The following SLC8A1 variants were observed in gnomAD, a reference collection of about 807,000 sequenced individuals.
SLC8A1 encodes sodium/calcium exchanger 1.
In SLC8A1, 18 loss-of-function variants were observed where a neutral mutation model predicts 68.3. The observed-to-expected ratio is 0.26, with a 90% confidence interval of 0.18 to 0.39. The LOEUF (loss-of-function observed/expected upper bound fraction) is 0.39, where lower values mean the gene tolerates loss of function less well. Among genes scored for constraint, SLC8A1 ranks in the 10% least tolerant of loss-of-function variants. The pLI is 1.00. For missense variants in SLC8A1, 985 were observed against 1,156.7 expected, an observed-to-expected ratio of 0.85 and a Z score of 2.15; for synonymous variants, 475 against 415.5, an observed-to-expected ratio of 1.14 and a Z score of -1.74.
intron 1 of SLC8A1, among the ~76,000 whole-genome samples, chr2:40,438,682 G>C (rs961351307): frequency 1.3e-5 from 2 of 152,162 alleles, no homozygotes; most frequent in African/African-American, 4.8e-5. Flanking sequence ...AAATGATATG[G>C]ACAAAGGCAT....
intron 2 of SLC8A1, among the ~76,000 whole-genome samples, chr2:40,321,054 C>A (rs2075126164): frequency 1.3e-5 from 2 of 152,090 alleles, no homozygotes; most frequent in Admixed American, 1.3e-4. Context: ...GAGCTAAAAA[C>A]CCTTTGTTCG....
chr2:40,400,102 G>A (rs533390647), intron 2 of SLC8A1, among the ~76,000 whole-genome samples: 24 of 152,188 alleles, frequency 1.6e-4, no homozygotes, highest in East Asian at 5.8e-4. Flanking sequence ...ACCCTCTCGC[G>A]TGCACCCCCT....
intron 2 of SLC8A1, among the ~76,000 whole-genome samples, chr2:40,401,455 A>G (rs981100055): frequency 6.6e-6 from 1 of 151,684 alleles, no homozygotes; most frequent in Non-Finnish European, 1.5e-5. Context: ...TTTGTATTAC[A>G]GATATTTACA....
chr2:40,146,524 A>C (rs935419831), intron 6 of SLC8A1, among the ~76,000 whole-genome samples: 1 of 152,046 alleles, frequency 6.6e-6, no homozygotes, highest in East Asian at 1.9e-4. Flanking sequence ...AGCACATTAC[A>C]TGTATTTTGC....
intron 1 of SLC8A1, among the ~76,000 whole-genome samples, chr2:40,442,093 A>C (rs1361723613): frequency 1.3e-5 from 2 of 150,270 alleles, no homozygotes; most frequent in East Asian, 2.0e-4. Context: ...AGATATACCT[A>C]ATGCTAAATG....
At chr2:40,263,818 G>C (rs943488009) in intron 2 of SLC8A1, among the ~76,000 whole-genome samples, 2 of 152,122 alleles carry the variant, frequency 1.3e-5, no homozygotes, top group African/African-American at 2.4e-5. Flanking sequence ...AACACAAAAA[G>C]CAATGATAAC....
At position 40,232,697 on chromosome 2, in the gene SLC8A1, C is replaced by T. The variant is rs1439932641; in HGVS notation, c.1809-54842G>A. On this transcript the variant is annotated intron_variant, in intron 2 of 7. Transcript: ENST00000406785. ...CATGTGCCATGCTGGTGTGCTGCACCCACTAACTCGTCATCTAGCATTAGG... is the reference window on the plus strand; with the variant it reads ...CATGTGCCATGCTGGTGTGCTGCACTCACTAACTCGTCATCTAGCATTAGG... 3.6e-5 allele frequency among the ~76,000 whole-genome samples: 5 copies of T among 137,878 alleles called. No homozygotes were observed. The Admixed American group carries it at 3.7e-4, about 10-fold the overall frequency. 90.5% of individuals were successfully genotyped at this position (137,878 alleles called of 152,430 possible). A position where few individuals can be genotyped will look rare whatever the true frequency, so the allele number is the denominator to read the frequency against.
At chr2:40,101,616 G>C (rs182592333) in exon 8 of SLC8A1, 2 of 152,200 alleles carry the variant, frequency 1.3e-5, no homozygotes, top group African/African-American at 4.8e-5. Context: ...TTTTAAGTCT[G>C]AATGGTGGAC....
chr2:40,361,163 G>T (rs1674508020), intron 2 of SLC8A1, among the ~76,000 whole-genome samples: 1 of 152,124 alleles, frequency 6.6e-6, no homozygotes, highest in African/African-American at 2.4e-5. Flanking sequence ...GTGAATTCAA[G>T]AGACCCTTGT....
intron 2 of SLC8A1, among the ~76,000 whole-genome samples, chr2:40,292,907 C>T (rs1172531348): frequency 2.6e-5 from 4 of 152,048 alleles, no homozygotes; most frequent in Non-Finnish European, 4.4e-5. Flanking sequence ...ATAGAGAATA[C>T]GCATTTGGAA....
Position 40,461,025 on chromosome 2 carries a change from C to T in SLC8A1, c.-24-30721G>A, listed in dbSNP as rs897372269. ...AAGGACTCTAAACAACTACTGAGGGCGAAAAGGAAGAATATAGCCATTTTT... is the reference window on the plus strand; with the variant it reads ...AAGGACTCTAAACAACTACTGAGGGTGAAAAGGAAGAATATAGCCATTTTT... On this transcript the variant is annotated intron_variant, in intron 1 of 7. Coordinates refer to the SLC8A1 transcript ENST00000402441. Among the ~76,000 whole-genome samples the T allele has an allele frequency of 3.3e-5, 5 of 152,064 alleles. No individual in the cohort carries two copies. In the South Asian group the frequency reaches 1.0e-3, roughly 32 times the overall value.
intron 2 of SLC8A1, among the ~76,000 whole-genome samples, chr2:40,313,133 A>T (rs1033194273): frequency 6.6e-6 from 1 of 151,998 alleles, no homozygotes; most frequent in Non-Finnish European, 1.5e-5. Flanking sequence ...TTTTATTGTC[A>T]CTGTGGATTA....
At chr2:40,240,969 A>G (rs1417371042) in intron 2 of SLC8A1, among the ~76,000 whole-genome samples, 1 of 152,216 alleles carries the variant, frequency 6.6e-6, no homozygotes, top group Admixed American at 6.5e-5. Context: ...AAACAGAGGT[A>G]CTATTCAACC....
At chr2:40,209,623 T>G (rs550166481) in intron 2 of SLC8A1, among the ~76,000 whole-genome samples, 1 of 152,268 alleles carries the variant, frequency 6.6e-6, no homozygotes, top group East Asian at 1.9e-4. Context: ...CCAGGGAGGC[T>G]ACTGTGGTTC....
chr2:40,404,607 T>A (rs1338961835), intron 2 of SLC8A1, among the ~76,000 whole-genome samples: 2 of 152,222 alleles, frequency 1.3e-5, no homozygotes, highest in Non-Finnish European at 2.9e-5. Flanking sequence ...GTGCTGTATT[T>A]ATTAAGAGAG....
chr2:40,289,154 C>T (rs1337510710), intron 2 of SLC8A1, among the ~76,000 whole-genome samples: 1 of 151,628 alleles, frequency 6.6e-6, no homozygotes, highest in East Asian at 1.9e-4. Context: ...CATTTTCCCC[C>T]TTTGGGGAAA....
exon 8 of SLC8A1, chr2:40,098,133 T>C (rs1009600247): frequency 4.6e-5 from 7 of 152,082 alleles, no homozygotes; most frequent in African/African-American, 1.4e-4. Context: ...TTCATACTTA[T>C]AGTCCTAAAG....
chr2:40,430,324 G>A lies in SLC8A1; in HGVS notation c.-24-20C>T. The A allele has an allele frequency of 6.5e-7, 1 of 1,547,894 alleles. No homozygotes were observed. On this transcript the variant is annotated intron_variant, in intron 1 of 7. Transcript: ENST00000406785. ...AACCTACTGGTAAAAATAAGATGGG[G>A]GAGAGGGCAGAAAAAAAGTCATGTC...
intron 4 of SLC8A1, among the ~76,000 whole-genome samples, chr2:40,165,785 G>A (rs1023023068): frequency 6.6e-6 from 1 of 152,118 alleles, no homozygotes; most frequent in East Asian, 1.9e-4. Flanking sequence ...GGATCCAAGA[G>A]CCCATTAATG....
Sources: allele counts gnomAD v4.1 joint callset (sites outside exome capture counted in the v4.1 genomes callset), GRCh38; gene constraint gnomAD v4.1.1; transcripts MANE v1.5; gene names NCBI Gene and HGNC (gene_info 2026-07-23, HGNC 2026-07-21).